The following PKNOX2 variants were observed in gnomAD, a reference collection of about 807,000 sequenced individuals.
The protein encoded by PKNOX2 is homeobox protein PKNOX2.
Under a neutral mutation model 53.1 loss-of-function variants are expected in PKNOX2, and 14 were observed. The ratio of observed to expected loss-of-function variants is 0.26; its 90% CI spans 0.17 to 0.41. The LOEUF (loss-of-function observed/expected upper bound fraction) is 0.41, where lower values mean the gene tolerates loss of function less well. Among genes scored for constraint, PKNOX2 ranks in the 10% least tolerant of loss-of-function variants. PKNOX2 has a pLI of 1.00. For synonymous variants in PKNOX2, 257 were observed against 242.8 expected (o/e 1.06, Z -0.54); for missense variants, 496 against 602.8 (o/e 0.82, Z 1.85).
chr11:125,356,593 A>G (rs981775696), intron 4 of PKNOX2, among the ~76,000 whole-genome samples: 4 of 152,206 alleles, frequency 2.6e-5, no homozygotes, highest in Non-Finnish European at 5.9e-5. Flanking sequence ...CATGGCACTC[A>G]GAGATCTGGG....
At chr11:125,247,095 G>A (rs1019334393) in intron 2 of PKNOX2, among the ~76,000 whole-genome samples, 2 of 152,150 alleles carry the variant, frequency 1.3e-5, no homozygotes, top group Non-Finnish European at 2.9e-5. Context: ...ACGACCCCCA[G>A]GGCCTCTTGT....
chr11:125,232,575 CACAATTTA>C (rs1942304816), intron 1 of PKNOX2, among the ~76,000 whole-genome samples: 1 of 152,230 alleles, frequency 6.6e-6, no homozygotes, highest in African/African-American at 2.4e-5. Flanking sequence ...ACTTCTAACC[CACAATTTA>C]ACCACTAGAC....
intron 2 of PKNOX2, among the ~76,000 whole-genome samples, chr11:125,274,236 A>T (rs1296746034): frequency 6.6e-6 from 1 of 152,120 alleles, no homozygotes; most frequent in Non-Finnish European, 1.5e-5. Flanking sequence ...CCTAGATGTC[A>T]CCCAGACCTG....
At chr11:125,269,815 T>C in intron 2 of PKNOX2, among the ~76,000 whole-genome samples, 1 of 152,114 alleles carries the variant, frequency 6.6e-6, no homozygotes, top group East Asian at 1.9e-4. Flanking sequence ...CCTCACGGGG[T>C]CGGGGGCGGT....
chr11:125,227,267 A>T (rs1169325609), intron 1 of PKNOX2, among the ~76,000 whole-genome samples: 1 of 152,088 alleles, frequency 6.6e-6, no homozygotes, highest in East Asian at 1.9e-4. Flanking sequence ...GTGTTTGATG[A>T]CATTAAGTAT....
intron 1 of PKNOX2, among the ~76,000 whole-genome samples, chr11:125,210,887 G>A (rs570386230): frequency 4.6e-5 from 7 of 152,194 alleles, no homozygotes; most frequent in Non-Finnish European, 8.8e-5. Context: ...AGTGGCTTCC[G>A]GATCTGGGTT....
intron 2 of PKNOX2, among the ~76,000 whole-genome samples, chr11:125,290,858 C>T (rs1321616946): frequency 6.6e-6 from 1 of 152,132 alleles, no homozygotes; most frequent in East Asian, 1.9e-4. Flanking sequence ...GGGTGCCGAG[C>T]TCCACTGAGG....
chr11:125,184,491 T>TCCC (rs2135295981), intron 1 of PKNOX2: 1 of 152,182 alleles, frequency 6.6e-6, no homozygotes, highest in Non-Finnish European at 1.5e-5. Flanking sequence ...ATTGAATAGA[T>TCCC]AGAGAGAGGG....
At chr11:125,327,512 T>C (rs1006500285) in intron 2 of PKNOX2, among the ~76,000 whole-genome samples, 21 of 152,346 alleles carry the variant, frequency 1.4e-4, no homozygotes, top group Non-Finnish European at 2.9e-4. Flanking sequence ...CTGTGCTGCT[T>C]ATTAGCTTTC....
intron 1 of PKNOX2, among the ~76,000 whole-genome samples, chr11:125,212,393 T>C (rs968140285): frequency 4.0e-5 from 6 of 151,756 alleles, no homozygotes; most frequent in Admixed American, 1.3e-4. Context: ...ATACCTGACA[T>C]TGTATCTGAT....
At chr11:125,202,527 G>T (rs763546158) in intron 1 of PKNOX2, among the ~76,000 whole-genome samples, 8 of 152,214 alleles carry the variant, frequency 5.3e-5, no homozygotes, top group Non-Finnish European at 1.0e-4. Flanking sequence ...CAGGTGCACC[G>T]TGGAGAAGAA....
intron 1 of PKNOX2, among the ~76,000 whole-genome samples, chr11:125,228,746 A>G (rs937445095): frequency 1.3e-5 from 2 of 152,240 alleles, no homozygotes; most frequent in Non-Finnish European, 2.9e-5. Context: ...TTTCGGAGCC[A>G]GGATTAAGTG....
chr11:125,234,015 C>T (rs192352283), intron 1 of PKNOX2, among the ~76,000 whole-genome samples: 28 of 152,332 alleles, frequency 1.8e-4, no homozygotes, highest in African/African-American at 5.8e-4. Context: ...CCAGTCTCTG[C>T]GTCATCCCAG....
chr11:125,221,704 C>T (rs1430962325), intron 1 of PKNOX2, among the ~76,000 whole-genome samples: 7 of 152,128 alleles, frequency 4.6e-5, no homozygotes, highest in Middle Eastern at 3.4e-3. Context: ...ACATTTCCTT[C>T]GACTGTCACA....
intron 1 of PKNOX2, among the ~76,000 whole-genome samples, chr11:125,185,219 C>T (rs1239524333): frequency 6.6e-6 from 1 of 152,208 alleles, no homozygotes; most frequent in South Asian, 2.1e-4. Flanking sequence ...GTTGCAAAAC[C>T]TGTGTACATT....
chr11:125,263,188 GGGGAGGACATTGCCCTACCCTTCAA>G (rs1471780941), intron 2 of PKNOX2, among the ~76,000 whole-genome samples: 5 of 152,126 alleles, frequency 3.3e-5, no homozygotes, highest in Non-Finnish European at 5.9e-5. Context: ...GAAATGCAAT[GGGGAGGACATTGCCCTACCCTTCAA>G]GGACATGCCT....
intron 2 of PKNOX2, among the ~76,000 whole-genome samples, chr11:125,242,410 C>T (rs1226258907): frequency 6.6e-6 from 1 of 152,156 alleles, no homozygotes; most frequent in Non-Finnish European, 1.5e-5. Context: ...GGAGTTTGCC[C>T]TACTCTCTCT....
chr11:125,378,249 T>C (rs1952960706), intron 5 of PKNOX2, among the ~76,000 whole-genome samples: 1 of 152,180 alleles, frequency 6.6e-6, no homozygotes, highest in South Asian at 2.1e-4. Flanking sequence ...GGGCATAGGT[T>C]GGTAGCCAGA....
intron 1 of PKNOX2, among the ~76,000 whole-genome samples, chr11:125,205,422 G>A (rs1938975205): frequency 6.6e-6 from 1 of 152,248 alleles, no homozygotes; most frequent in South Asian, 2.1e-4. Flanking sequence ...CAGGCAGGCA[G>A]CTTCTTGATC....
Sources: allele counts gnomAD v4.1 joint callset (sites outside exome capture counted in the v4.1 genomes callset), GRCh38; gene constraint gnomAD v4.1.1; transcripts MANE v1.5; gene names NCBI Gene and HGNC (gene_info 2026-07-23, HGNC 2026-07-21).